GRIK1: variants seen among roughly 807,000 people sequenced by gnomAD.
GRIK1 encodes glutamate receptor ionotropic, kainate 1.
In GRIK1, 69 loss-of-function variants were observed where a neutral mutation model predicts 105.7. That is an observed-to-expected ratio of 0.65 (90% CI 0.54 to 0.80). The LOEUF (loss-of-function observed/expected upper bound fraction) is 0.80, where lower values mean the gene tolerates loss of function less well. Ranked by LOEUF, GRIK1 falls within the 30% of genes least tolerant of loss-of-function variation. GRIK1 has a pLI of 0.00. For synonymous variants in GRIK1, 438 were observed against 431.3 expected (o/e 1.02, Z -0.19); for missense variants, 1,109 against 1,167.3 (o/e 0.95, Z 0.73).
At chr21:29,684,733 A>C (rs2146692843) in intron 3 of GRIK1, among the ~76,000 whole-genome samples, 1 of 152,104 alleles carries the variant, frequency 6.6e-6, no homozygotes, top group Admixed American at 6.6e-5. Context: ...GATGGTCTCG[A>C]TCTCCTGACC....
At chr21:29,910,362 T>C (rs1228187811) in intron 1 of GRIK1, among the ~76,000 whole-genome samples, 2 of 152,122 alleles carry the variant, frequency 1.3e-5, no homozygotes, top group African/African-American at 4.8e-5. Context: ...TTCACACTTA[T>C]ATCTCAGGAA....
At chr21:29,557,049 A>G (rs73348553) in intron 15 of GRIK1, among the ~76,000 whole-genome samples, 1,716 of 152,274 alleles carry the variant, frequency 0.011, 33 homozygotes, top group African/African-American at 0.04. Flanking sequence ...CTGAACTTTT[A>G]ATTATGTAAG....
At chr21:29,660,980 A>G (rs1187808635) in intron 4 of GRIK1, among the ~76,000 whole-genome samples, 1 of 152,200 alleles carries the variant, frequency 6.6e-6, no homozygotes, top group Non-Finnish European at 1.5e-5. Flanking sequence ...TTCAGTGTGT[A>G]GCTCTTTTTT....
chr21:29,684,050 G>A (rs866640313), intron 3 of GRIK1, among the ~76,000 whole-genome samples: 3 of 151,988 alleles, frequency 2.0e-5, no homozygotes, highest in South Asian at 2.1e-4. Flanking sequence ...CTCTACTGTC[G>A]GTCTCCCGAA....
chr21:29,569,306 A>G (rs560547724), intron 14 of GRIK1, among the ~76,000 whole-genome samples: 2 of 152,344 alleles, frequency 1.3e-5, no homozygotes, highest in Non-Finnish European at 2.9e-5. Flanking sequence ...TTTATTGCTT[A>G]CAGTGTACTA....
chr21:29,675,388 C>T (rs2063246401), intron 3 of GRIK1, among the ~76,000 whole-genome samples: 1 of 151,810 alleles, frequency 6.6e-6, no homozygotes, highest in Admixed American at 6.6e-5. Context: ...TTTTTCATGA[C>T]CATGACCACA....
chr21:29,606,876 C>T (rs2146353270), intron 7 of GRIK1, among the ~76,000 whole-genome samples: 1 of 152,216 alleles, frequency 6.6e-6, no homozygotes, highest in East Asian at 1.9e-4. Context: ...AAGTGCCTTA[C>T]CTAACTCACA....
chr21:29,713,113 C>A (rs563732006), intron 1 of GRIK1, among the ~76,000 whole-genome samples: 1 of 152,024 alleles, frequency 6.6e-6, no homozygotes, highest in Non-Finnish European at 1.5e-5. Flanking sequence ...CAGCAGCTGT[C>A]GGCACACTGC....
intron 1 of GRIK1, among the ~76,000 whole-genome samples, chr21:29,726,790 A>T (rs1283730435): frequency 6.6e-6 from 1 of 151,840 alleles, no homozygotes; most frequent in Non-Finnish European, 1.5e-5. Flanking sequence ...GTAGACACAT[A>T]TATAGGTATA....
At chr21:29,619,647 GTAAAA>G (rs1040273887) in intron 7 of GRIK1, among the ~76,000 whole-genome samples, 9 of 152,088 alleles carry the variant, frequency 5.9e-5, no homozygotes, top group African/African-American at 2.2e-4. Context: ...AAATTGAAAA[GTAAAA>G]TAAAATTAGG....
chr21:29,702,308 T>TA (rs113951516), intron 1 of GRIK1, among the ~76,000 whole-genome samples: 47 of 151,806 alleles, frequency 3.1e-4, no homozygotes, highest in Non-Finnish European at 2.5e-4. Context: ...AAGTTTTTTT[T>TA]AAAAAAAAGT....
At chr21:29,774,431 T>C (rs2065890558) in intron 1 of GRIK1, among the ~76,000 whole-genome samples, 1 of 149,928 alleles carries the variant, frequency 6.7e-6, no homozygotes, top group Admixed American at 6.9e-5. Context: ...TCAAGTGCTG[T>C]TTCTTTATTT....
chr21:29,552,621 T>TA (rs1191364631), intron 16 of GRIK1, among the ~76,000 whole-genome samples: 3 of 151,994 alleles, frequency 2.0e-5, no homozygotes, highest in Admixed American at 2.0e-4. Context: ...CCCCTCTATC[T>TA]AGGGTAAGTG....
chr21:29,616,631 C>T (rs1198673526), intron 7 of GRIK1, among the ~76,000 whole-genome samples: 2 of 152,320 alleles, frequency 1.3e-5, no homozygotes, highest in African/African-American at 2.4e-5. Flanking sequence ...TTCACTCAGC[C>T]TCTCAAGAAC....
chr21:29,808,060 A>C (rs991785044), intron 1 of GRIK1, among the ~76,000 whole-genome samples: 5 of 152,192 alleles, frequency 3.3e-5, no homozygotes, highest in Admixed American at 1.3e-4. Context: ...TCTCCACTGG[A>C]TTTGAAGATT....
chr21:29,635,948 G>C (rs990527291), intron 7 of GRIK1, among the ~76,000 whole-genome samples: 1 of 152,142 alleles, frequency 6.6e-6, no homozygotes. Context: ...AGAGTCAAAA[G>C]GAAATGCTTC....
At chr21:29,730,649 A>T (rs570467430) in intron 1 of GRIK1, among the ~76,000 whole-genome samples, 1 of 152,200 alleles carries the variant, frequency 6.6e-6, no homozygotes, top group South Asian at 2.1e-4. Flanking sequence ...TTCTAGTTTT[A>T]TTAGCTTCTC....
chr21:29,778,119 G>A (rs767624987), intron 1 of GRIK1, among the ~76,000 whole-genome samples: 3 of 152,154 alleles, frequency 2.0e-5, no homozygotes, highest in African/African-American at 4.8e-5. Flanking sequence ...AGAACCTAGC[G>A]TGCAGTTCTC....
chr21:29,682,873 A>C (rs2086997404), intron 3 of GRIK1, among the ~76,000 whole-genome samples: 1 of 152,248 alleles, frequency 6.6e-6, no homozygotes, highest in African/African-American at 2.4e-5. Context: ...AAATGTGTGC[A>C]AACTATGCAT....
Sources: allele counts gnomAD v4.1 joint callset (sites outside exome capture counted in the v4.1 genomes callset), GRCh38; gene constraint gnomAD v4.1.1; transcripts MANE v1.5; gene names NCBI Gene and HGNC (gene_info 2026-07-23, HGNC 2026-07-21).